The following TTC23L variants were observed in gnomAD, a reference collection of about 807,000 sequenced individuals.
TTC23L encodes tetratricopeptide repeat domain 23 like.
Under a neutral mutation model 48.1 loss-of-function variants are expected in TTC23L, and 42 were observed. The ratio of observed to expected loss-of-function variants is 0.87; its 90% CI spans 0.68 to 1.13. The LOEUF is 1.13. TTC23L is among the 50% of genes most tolerant of loss of function. TTC23L has a pLI of 0.00. For synonymous variants in TTC23L, 159 were observed against 157.2 expected, an observed-to-expected ratio of 1.01 and a Z score of -0.09; for missense variants, 391 against 421.0, an observed-to-expected ratio of 0.93 and a Z score of 0.62.
chr5:34,870,864 G>C lies in TTC23L; in HGVS notation c.949+1851G>C, dbSNP rs539799933. Among the ~76,000 whole-genome samples the C allele has an allele frequency of 7.9e-5, 12 of 152,246 alleles. No individual in the cohort carries two copies. In the South Asian group the frequency reaches 2.5e-3, roughly 32 times the overall value. On this transcript the variant is annotated intron_variant, in intron 8 of 10. Transcript: ENST00000505624. ...TCAGTTTACCTCTACCATATTAACA[G>C]TCCAGTCATGGAAAGCTCATGATTT...
chr5:34,859,744 C>T (rs529872427), intron 4 of TTC23L, among the ~76,000 whole-genome samples: 19 of 152,020 alleles, frequency 1.2e-4, no homozygotes, highest in African/African-American at 4.6e-4. Flanking sequence ...TATTTTATAC[C>T]TGACATACAA....
intron 8 of TTC23L, among the ~76,000 whole-genome samples, chr5:34,870,487 C>A (rs190148410): frequency 1.1e-3 from 172 of 152,264 alleles, no homozygotes; most frequent in African/African-American, 4.0e-3. Flanking sequence ...AGAAAGAAAT[C>A]TCCAGGCCCA....
At chr5:34,862,040 T>A (rs1039997576) in intron 4 of TTC23L, among the ~76,000 whole-genome samples, 9 of 152,212 alleles carry the variant, frequency 5.9e-5, no homozygotes, top group Admixed American at 1.3e-4. Context: ...AATCATTAGA[T>A]AACCTGCTTC....
intron 3 of TTC23L, among the ~76,000 whole-genome samples, chr5:34,846,578 T>A (rs12657691): frequency 0.56 from 23,364 of 41,514 alleles, 5,105 homozygotes; most frequent in East Asian, 0.66. Flanking sequence ...AAAAAAAAAA[T>A]ATATATATAT....
At chr5:34,843,852 A>G (rs932666970) in intron 2 of TTC23L, among the ~76,000 whole-genome samples, 9 of 152,218 alleles carry the variant, frequency 5.9e-5, no homozygotes, top group Non-Finnish European at 1.0e-4. Context: ...TGTTTTTACT[A>G]TGAGCCAGAT....
intron 8 of TTC23L, among the ~76,000 whole-genome samples, chr5:34,874,790 A>G (rs1427663984): frequency 6.6e-6 from 1 of 152,142 alleles, no homozygotes; most frequent in Non-Finnish European, 1.5e-5. Flanking sequence ...AGTGAAAGAC[A>G]AAAATATGAA....
chr5:34,882,799 C>T lies in TTC23L; in HGVS notation c.1077+2491C>T, dbSNP rs188016071. On this transcript the variant is annotated intron_variant, in intron 9 of 10. Coordinates refer to ENST00000505624, the Ensembl canonical transcript of TTC23L. ...TCACACCTGTAATCCCAGCACTTTG[C>T]GAGGCCGAGGCAGGAGGATTGCTTG... Among the ~76,000 whole-genome samples the T allele has an allele frequency of 2.8e-4, 42 of 152,152 alleles. No individual in the cohort carries two copies. The East Asian group carries it at 6.2e-3, about 22-fold the overall frequency.
chr5:34,881,850 G>GC lies in TTC23L; in HGVS notation c.1077+1544dup, dbSNP rs569986253. On this transcript the variant is annotated intron_variant, in intron 9 of 10. Transcript: ENST00000505624. ...ATGATCTCAGCTCACTGCAACCTCT[G>GC]CCTCCCAAGTTCAAGCGATTTTTGT... 4.9e-4 allele frequency among the ~76,000 whole-genome samples: 73 copies of GC among 148,594 alleles called. 1 individual carries two copies. The highest frequency in any genetic ancestry group is 1.7e-3 in the African/African-American group (70 of 40,222).
intron 9 of TTC23L, among the ~76,000 whole-genome samples, chr5:34,895,512 C>T (rs942843203): frequency 5.9e-5 from 9 of 152,108 alleles, no homozygotes; most frequent in South Asian, 4.1e-4. Context: ...AGCTGCATAC[C>T]GAAAAGTTAT....
intron 9 of TTC23L, among the ~76,000 whole-genome samples, chr5:34,893,915 C>A (rs1382365629): frequency 2.0e-5 from 3 of 152,154 alleles, no homozygotes; most frequent in Non-Finnish European, 2.9e-5. Flanking sequence ...TAAACACACA[C>A]ACACAGATTT....
At chr5:34,867,133 GC>G in intron 7 of TTC23L, 64 bp downstream of exon 7, 1 of 1,508,330 alleles carries the variant, frequency 6.6e-7, no homozygotes, top group Non-Finnish European at 9.0e-7. Flanking sequence ...GGTTCTCAGG[GC>G]CAGGGAAGCA....
exon 4 of TTC23L, chr5:34,850,207 T>G (rs746643023): frequency 1.2e-6 from 2 of 1,613,902 alleles, no homozygotes; most frequent in Middle Eastern, 1.7e-4. Context: ...AACAAGGAGC[T>G]GATTCGATGT....
intron 3 of TTC23L, among the ~76,000 whole-genome samples, chr5:34,847,858 A>G (rs1399001259): frequency 6.6e-6 from 1 of 152,200 alleles, no homozygotes; most frequent in African/African-American, 2.4e-5. Context: ...GAAGTTGGGT[A>G]GGAGATAGGA....
the TTC23L span, among the ~76,000 whole-genome samples, chr5:34,911,226 T>G: frequency 6.6e-6 from 1 of 152,216 alleles, no homozygotes; most frequent in Non-Finnish European, 1.5e-5. Flanking sequence ...ACAAACACCC[T>G]TTCCAAACAC....
intron 3 of TTC23L, among the ~76,000 whole-genome samples, chr5:34,848,023 A>AT (rs570883825): frequency 7.9e-5 from 12 of 151,498 alleles, no homozygotes; most frequent in Non-Finnish European, 1.3e-4. Flanking sequence ...TTTGGACACT[A>AT]TTTTTTTTTC....
chr5:34,862,420 G>C (rs2150394903), intron 4 of TTC23L, among the ~76,000 whole-genome samples: 1 of 152,220 alleles, frequency 6.6e-6, no homozygotes, highest in South Asian at 2.1e-4. Flanking sequence ...ACCTACTTTG[G>C]TCCTGGACTA....
At chr5:34,854,235 C>A (rs1368924623) in intron 4 of TTC23L, among the ~76,000 whole-genome samples, 1 of 152,116 alleles carries the variant, frequency 6.6e-6, no homozygotes, top group Non-Finnish European at 1.5e-5. Context: ...GTACGAGAGA[C>A]TTTTTTGTTT....
rs533382588 is a variant in TTC23L, at chr5:34,846,659, A to ATGTG, written c.255+990_255+993dup. ...TATACGTATATATACAAATACATAT[A>ATGTG]TGTGTGTATGTGTGTGTGTGTGTGT... On this transcript the variant is annotated intron_variant, in intron 3 of 10. Coordinates refer to ENST00000505624, the Ensembl canonical transcript of TTC23L. 2.0e-4 allele frequency among the ~76,000 whole-genome samples: 14 copies of ATGTG among 69,158 alleles called. 1 individual carries two copies. Among genetic ancestry groups the ATGTG allele is most frequent in the Non-Finnish European group, 3.8e-4 (11 of 29,286 alleles). The allele number at this position is 69,158 out of a possible 152,430, so 45.4% of individuals were successfully genotyped here. A position where few individuals can be genotyped will look rare whatever the true frequency, so the allele number is the denominator to read the frequency against.
chr5:34,924,317 A>T, the TTC23L span, among the ~76,000 whole-genome samples: 3 of 152,366 alleles, frequency 2.0e-5, no homozygotes, highest in Admixed American at 2.0e-4. Flanking sequence ...TGAACACATC[A>T]TCCTAACCTC....
Sources: gnomAD v4.1 joint callset for allele counts (sites outside exome capture counted in the v4.1 genomes callset) on GRCh38, gnomAD v4.1.1 for gene constraint, MANE v1.5 for transcripts, NCBI Gene and HGNC (gene_info 2026-07-23, HGNC 2026-07-21) for gene names.